The following RUNX1T1 variants were observed in gnomAD, a reference collection of about 807,000 sequenced individuals.
The protein encoded by RUNX1T1 is protein CBFA2T1.
RUNX1T1 carries 4 observed loss-of-function variants against 62.8 expected under a neutral mutation model. The observed-to-expected ratio is 0.06, with a 90% CI of 0.03 to 0.15. RUNX1T1 has a LOEUF of 0.15. Among genes scored for constraint, RUNX1T1 ranks in the 10% least tolerant of loss-of-function variants. The pLI is 1.00. For synonymous variants in RUNX1T1, 291 were observed against 286.0 expected, an observed-to-expected ratio of 1.02 and a Z score of -0.18; for missense variants, 508 against 754.3, an observed-to-expected ratio of 0.67 and a Z score of 3.82.
intron 6 of RUNX1T1, 85 bp from the exon 8 acceptor site, chr8:91,987,057 G>A: frequency 1.2e-6 from 1 of 855,408 alleles, no homozygotes; most frequent in Non-Finnish European, 2.0e-6. Flanking sequence ...GGACTATGTG[G>A]GCAAACTCGA....
chr8:92,067,965 A>G (rs1378242761), intron 2 of RUNX1T1, among the ~76,000 whole-genome samples: 2 of 152,214 alleles, frequency 1.3e-5, no homozygotes, highest in Non-Finnish European at 2.9e-5. Flanking sequence ...TTTAAACACA[A>G]ATTTTAAACA....
At position 92,075,222 on chromosome 8, in the gene RUNX1T1, T is replaced by C. The variant is rs188536920; in HGVS notation, c.88+743A>G. On this transcript the variant is annotated intron_variant, in intron 2 of 11. Coordinates refer to the RUNX1T1 transcript ENST00000265814. ...CACAACATTTGTGTTGACTCTCAAC[T>C]TTTTCTTAGCAGTGGATCCTTATGC... Among the ~76,000 whole-genome samples, 5 of 152,318 alleles carry C rather than the reference T, an allele frequency of 3.3e-5. No homozygotes were observed. The East Asian group carries it at 9.7e-4, about 29-fold the overall frequency.
chr8:91,992,308 C>A (rs1029194084), intron 5 of RUNX1T1, among the ~76,000 whole-genome samples: 1 of 152,164 alleles, frequency 6.6e-6, no homozygotes, highest in African/African-American at 2.4e-5. Context: ...TTAAGGTACA[C>A]CTATTCCACT....
chr8:92,028,270 G>A (rs1825633225), intron 1 of RUNX1T1, among the ~76,000 whole-genome samples: 1 of 150,044 alleles, frequency 6.7e-6, no homozygotes. Flanking sequence ...CCTTAAGACA[G>A]TTCAATAGAG....
chr8:91,999,335 G>C (rs1259998751), intron 5 of RUNX1T1, among the ~76,000 whole-genome samples: 1 of 152,158 alleles, frequency 6.6e-6, no homozygotes, highest in Non-Finnish European at 1.5e-5. Context: ...TCTGCTATTT[G>C]CTGGCCATAT....
chr8:91,960,304 C>A (rs57930555), exon 11 of RUNX1T1: 1 of 1,610,536 alleles, frequency 6.2e-7, no homozygotes, highest in Non-Finnish European at 8.5e-7. Flanking sequence ...GGAGTGGCTG[C>A]TGGTGGTGTG....
chr8:92,067,987 T>A (rs901155097), intron 2 of RUNX1T1, among the ~76,000 whole-genome samples: 2 of 152,304 alleles, frequency 1.3e-5, no homozygotes, highest in East Asian at 3.9e-4. Flanking sequence ...ACTATAATAA[T>A]ACAGTTAAAG....
upstream of RUNX1T1, among the ~76,000 whole-genome samples, chr8:92,102,593 A>G (rs555444591): frequency 1.5e-4 from 23 of 152,214 alleles, 1 homozygote; most frequent in South Asian, 3.7e-3. The surrounding 1 kb of genome is among the most constrained non-coding windows in gnomAD (Gnocchi z 4.5). Context: ...ATTATTTTTA[A>G]AAGACACTGT....
At chr8:92,051,440 T>A (rs1008788539) in intron 1 of RUNX1T1, among the ~76,000 whole-genome samples, 38 of 152,042 alleles carry the variant, frequency 2.5e-4, no homozygotes, top group Middle Eastern at 3.2e-3. Context: ...AGAAAAAAAA[T>A]TTAAAAATTA....
At chr8:91,960,207 G>A (rs768156906) in exon 11 of RUNX1T1, 8 of 1,589,494 alleles carry the variant, frequency 5.0e-6, no homozygotes, top group Non-Finnish European at 6.0e-6. Flanking sequence ...CGCGTTGGTT[G>A]TGTTGTCTTT....
At chr8:92,035,755 A>T (rs573519359) in intron 1 of RUNX1T1, among the ~76,000 whole-genome samples, 3 of 148,932 alleles carry the variant, frequency 2.0e-5, no homozygotes, top group African/African-American at 7.5e-5. Context: ...AGATTGCCTT[A>T]GCAGGAAATA....
intron 1 of RUNX1T1, among the ~76,000 whole-genome samples, chr8:92,050,387 G>A (rs1338547634): frequency 1.3e-5 from 2 of 152,146 alleles, no homozygotes. Flanking sequence ...CTGTTTAAAT[G>A]TTCCTTGAAA....
In RUNX1T1 at chr8:92,014,809, T is replaced by C; in HGVS notation, c.157A>G (p.Thr53Ala). The C allele has an allele frequency of 4.4e-6, 7 of 1,608,840 alleles. No individual in the cohort carries two copies. The highest frequency in any genetic ancestry group is 1.3e-5 in the African/African-American group (1 of 74,884). Reference sequence around the variant, plus strand: ...TTCAAGGCTGTAGGAGAATGGCTCGTGCCATTAGTTACTGTCAAGAGCACA... The same window carrying C: ...TTCAAGGCTGTAGGAGAATGGCTCGCGCCATTAGTTACTGTCAAGAGCACA... The change falls in exon 3 of 11, where the codon ACG becomes GCG. Residue 53 changes from threonine (T) to alanine (A), a missense_variant. By Grantham distance (58) the Thr-to-Ala change is moderately conservative. Transcript: ENST00000396218.
At chr8:92,082,082 T>G (rs1835364346) in intron 1 of RUNX1T1, among the ~76,000 whole-genome samples, 1 of 151,954 alleles carries the variant, frequency 6.6e-6, no homozygotes, top group Non-Finnish European at 1.5e-5. Context: ...GGACGGGATT[T>G]TGCCGTGTTA....
At chr8:91,972,452 G>A (rs1300411330) in intron 9 of RUNX1T1, among the ~76,000 whole-genome samples, 1 of 152,110 alleles carries the variant, frequency 6.6e-6, no homozygotes, top group Admixed American at 6.5e-5. Flanking sequence ...TTTAAGATAT[G>A]CATTTAAAAT....
At chr8:92,031,641 AT>A (rs1056994153) in intron 1 of RUNX1T1, among the ~76,000 whole-genome samples, 2 of 151,440 alleles carry the variant, frequency 1.3e-5, no homozygotes, top group Middle Eastern at 3.4e-3. Flanking sequence ...ACTAATTTAA[AT>A]TTTTTTTTGT....
chr8:92,008,113 T>C (rs1249309398), intron 4 of RUNX1T1, among the ~76,000 whole-genome samples: 1 of 152,088 alleles, frequency 6.6e-6, no homozygotes, highest in African/African-American at 2.4e-5. Flanking sequence ...ATGCATAAGA[T>C]TTAAATTGTC....
intron 1 of RUNX1T1, among the ~76,000 whole-genome samples, chr8:92,054,885 G>A (rs1331143610): frequency 6.6e-6 from 1 of 152,036 alleles, no homozygotes; most frequent in Non-Finnish European, 1.5e-5. Context: ...CTTACCTTTA[G>A]CCCCAGCTAC....
chr8:91,980,834 G>C (rs1158635561), intron 8 of RUNX1T1, among the ~76,000 whole-genome samples: 1 of 151,904 alleles, frequency 6.6e-6, no homozygotes, highest in Non-Finnish European at 1.5e-5. Context: ...ATCATGCCCA[G>C]CTAATTTTTT....
Sources: allele counts gnomAD v4.1 joint callset (sites outside exome capture counted in the v4.1 genomes callset), GRCh38; gene constraint gnomAD v4.1.1; non-coding constraint Gnocchi (gnomAD v3.1); transcripts MANE v1.5; gene names NCBI Gene and HGNC (gene_info 2026-07-23, HGNC 2026-07-21).